The following ADAM21 variants were observed in gnomAD, a reference collection of about 807,000 sequenced individuals.
ADAM21 encodes the protein ADAM metallopeptidase domain 21, also known as disintegrin and metalloproteinase domain-containing protein 21.
For synonymous variants in ADAM21, 262 were observed against 306.0 expected, an observed-to-expected ratio of 0.86 and a Z score of 1.50; for missense variants, 678 against 874.4, an observed-to-expected ratio of 0.78 and a Z score of 2.83.
Position 70,457,742 on chromosome 14 carries a change from C to A in ADAM21, c.243C>A (p.Leu81=), listed in dbSNP as rs1882441111. 2.5e-6 allele frequency: 4 copies of A among 1,613,282 alleles called. No homozygotes were observed. Among genetic ancestry groups the A allele is most frequent in the African/African-American group, 2.7e-5 (2 of 74,702 alleles). Reference sequence around the variant, plus strand: ...TTGTTCATATGAGGGTCAAGAAGCTCTTAGTTTCTAGACACCTCCCAGTGT... The same window carrying A: ...TTGTTCATATGAGGGTCAAGAAGCTATTAGTTTCTAGACACCTCCCAGTGT... ...KHVVHMRVKK[L]LVSRHLPVFT... The change falls in exon 2 of 2, where the codon CTC becomes CTA. Residue 81 remains leucine (L), a synonymous_variant. Transcript: ENST00000603540.
In ADAM21 at chr14:70,459,724, T is replaced by C. The variant is rs1882498067; in HGVS notation, c.*56T>C. 2 of 1,569,226 alleles carry C rather than the reference T, an allele frequency of 1.3e-6. No homozygotes were observed. Among genetic ancestry groups the C allele is most frequent in the Admixed American group, 1.7e-5 (1 of 57,210 alleles). Reference sequence around the variant, plus strand: ...TTAGTACACTTTAGTCTCTTGGCAGTAGAAACATTAGTACATCCCTGAAAC... The same window carrying C: ...TTAGTACACTTTAGTCTCTTGGCAGCAGAAACATTAGTACATCCCTGAAAC... On this transcript the variant is annotated 3_prime_UTR_variant, in exon 2 of 2. Coordinates refer to ENST00000603540, the MANE Select transcript of ADAM21 (RefSeq NM_003813.4).
chr14:70,459,702 G>T lies in ADAM21; in HGVS notation c.*34G>T, dbSNP rs755724860. 75 of 1,601,354 alleles carry T rather than the reference G, an allele frequency of 4.7e-5. No homozygotes were observed. In the South Asian group the frequency reaches 7.2e-4, roughly 15 times the overall value. On this transcript the variant is annotated 3_prime_UTR_variant, in exon 2 of 2. Coordinates refer to ENST00000603540, the MANE Select transcript of ADAM21 (RefSeq NM_003813.4). ...CTCTAACTTAATATTCCATGCATTA[G>T]TACACTTTAGTCTCTTGGCAGTAGA...
At chr14:70,455,096 G>T (rs781210362) in intron 1 of ADAM21, among the ~76,000 whole-genome samples, 31 of 152,150 alleles carry the variant, frequency 2.0e-4, no homozygotes, top group Non-Finnish European at 4.1e-4. Context: ...AGAGGTACAG[G>T]ATGGAGTTGG....
At chr14:70,452,488 C>T (rs2139481964) in intron 1 of ADAM21, among the ~76,000 whole-genome samples, 1 of 152,302 alleles carries the variant, frequency 6.6e-6, no homozygotes, top group Admixed American at 6.5e-5. Flanking sequence ...CCCTCAGCCT[C>T]CTGAGTAGCT....
In ADAM21 at chr14:70,458,597, T is replaced by G; in HGVS notation, c.1098T>G (p.Asn366Lys). 2 of 1,613,058 alleles carry G rather than the reference T, an allele frequency of 1.2e-6. No homozygotes were observed. The highest frequency in any genetic ancestry group is 1.7e-6 in the Non-Finnish European group (2 of 1,179,756). ...GTGGGGAAAGAGGTTGCATCATGAA[T>G]ACTTTTAGAGTGCCAGCAGAGAAAT... The part of the protein sequence containing the change: ...CFCGERGCIM[N>K]TFRVPAEKFT... The change falls in exon 2 of 2, where the codon AAT (asparagine) becomes AAG (lysine). Residue 366 changes from asparagine to lysine, a missense_variant. By Grantham distance (94) the Asn-to-Lys change is moderately conservative. Transcript: ENST00000603540.
rs145696569 is a variant in ADAM21, at chr14:70,458,639, C to T, written c.1140C>T (p.Tyr380=). 52 of 1,613,504 alleles carry T rather than the reference C, an allele frequency of 3.2e-5. No homozygotes were observed. The highest frequency in any genetic ancestry group is 6.7e-5 in the African/African-American group (5 of 74,718). Residue 380 remains tyrosine, a synonymous_variant, in exon 2 of 2, where the codon TAC becomes TAT. Coordinates refer to ENST00000603540, the MANE Select transcript of ADAM21 (RefSeq NM_003813.4). ...CAGAGAAATTCACCAATTGCAGTTA[C>T]GCTGATTTTATGAAGACCACCTTAA... ...VPAEKFTNCS[Y]ADFMKTTLNQ...
intron 1 of ADAM21, among the ~76,000 whole-genome samples, chr14:70,454,360 A>G (rs1757702557): frequency 6.6e-6 from 1 of 151,504 alleles, no homozygotes; most frequent in Non-Finnish European, 1.5e-5. Context: ...TGGAGGAAGT[A>G]TGTGAAGAAT....
At position 70,459,340 on chromosome 14, in the gene ADAM21, G is replaced by A; in HGVS notation, c.1841G>A (p.Gly614Asp). Reference protein sequence around the residue: ...IGEVKDGTVCGPGKICIHKKC... With the variant: ...IGEVKDGTVCDPGKICIHKKC... ...GAAGTGAAAGATGGTACTGTGTGTGGCCCAGGAAAGATCTGCATCCATAAG... is the reference window on the plus strand; with the variant it reads ...GAAGTGAAAGATGGTACTGTGTGTGACCCAGGAAAGATCTGCATCCATAAG... The change falls in exon 2 of 2, where the codon GGC (glycine) becomes GAC (aspartate). Residue 614 changes from glycine (G) to aspartate (D), a missense_variant. Physicochemically the swap from Gly to Asp is moderately conservative, Grantham distance 94. Transcript: ENST00000603540. 3.1e-6 allele frequency: 5 copies of A among 1,614,192 alleles called. No homozygotes were observed. Among genetic ancestry groups the A allele is most frequent in the Non-Finnish European group, 4.2e-6 (5 of 1,180,026 alleles).
chr14:70,459,600 G>C lies in ADAM21; in HGVS notation c.2101G>C (p.Val701Leu). The change falls in exon 2 of 2, where the codon GTC becomes CTC. Residue 701 changes from valine (V) to leucine (L), a missense_variant. Physicochemically the swap from Val to Leu is conservative, Grantham distance 32. Coordinates refer to ENST00000603540, the MANE Select transcript of ADAM21 (RefSeq NM_003813.4). ...GTCTGTTTTGACTTTCCTGTTTACTGTCGGGCTTCTTATGTATCTACGACA... is the reference window on the plus strand; with the variant it reads ...GTCTGTTTTGACTTTCCTGTTTACTCTCGGGCTTCTTATGTATCTACGACA... ...SLSVLTFLFTVGLLMYLRQCS... is the reference protein window; with the variant it reads ...SLSVLTFLFTLGLLMYLRQCS... 6.2e-7 allele frequency: 1 copy of C among 1,614,142 alleles called. No homozygotes were observed. Among genetic ancestry groups the C allele is most frequent in the East Asian group, 2.2e-5 (1 of 44,896 alleles).
At position 70,458,762 on chromosome 14, in the gene ADAM21, C is replaced by A. The variant is rs761869382; in HGVS notation, c.1263C>A (p.Asp421Glu). Residue 421 changes from aspartate (D) to glutamate (E), a missense_variant, in exon 2 of 2, where the codon GAC (aspartate) becomes GAA (glutamate). By Grantham distance (45) the Asp-to-Glu change is conservative. Transcript: ENST00000603540. ...NGVVEREEQC[D>E]CGSVQQCEQD... ...TGGTTGAAAGAGAAGAGCAGTGTGA[C>A]TGTGGATCCGTACAGCAGTGTGAAC... 6.2e-7 allele frequency: 1 copy of A among 1,614,154 alleles called. No individual in the cohort carries two copies. Among genetic ancestry groups the A allele is most frequent in the Non-Finnish European group, 8.5e-7 (1 of 1,180,026 alleles).
Position 70,458,638 on chromosome 14 carries a change from A to G in ADAM21, c.1139A>G (p.Tyr380Cys). ...GCAGAGAAATTCACCAATTGCAGTT[A>G]CGCTGATTTTATGAAGACCACCTTA... The part of the protein sequence containing the change: ...VPAEKFTNCS[Y>C]ADFMKTTLNQ... The change falls in exon 2 of 2, where the codon TAC (tyrosine) becomes TGC (cysteine). Residue 380 changes from tyrosine (Y) to cysteine (C), a missense_variant. Physicochemically the swap from Tyr to Cys is radical, Grantham distance 194. Transcript: ENST00000603540. 6.2e-7 allele frequency: 1 copy of G among 1,613,764 alleles called. No homozygotes were observed. Among genetic ancestry groups the G allele is most frequent in the South Asian group, 1.1e-5 (1 of 91,034 alleles).
rs529886398 is a variant in ADAM21, at chr14:70,459,182, G to A, written c.1683G>A (p.Gly561=). 1.1e-5 allele frequency: 18 copies of A among 1,613,844 alleles called. No individual in the cohort carries two copies. The African/African-American group carries it at 1.6e-4, about 14-fold the overall frequency. The change falls in exon 2 of 2, where the codon GGG becomes GGA. Residue 561 remains glycine (G), a synonymous_variant. Coordinates refer to ENST00000603540, the MANE Select transcript of ADAM21 (RefSeq NM_003813.4). ...GTCATATCTCTGATGTCTTTTGTGG[G>A]AGAGTTCAATGTGAGAATGTGAGAG... ...LKCHISDVFC[G]RVQCENVRDI... is the part of the protein sequence containing the mutation.
intron 1 of ADAM21, among the ~76,000 whole-genome samples, chr14:70,452,684 T>C (rs1033349064): frequency 1.6e-4 from 24 of 152,152 alleles, no homozygotes; most frequent in African/African-American, 5.8e-4. Context: ...TTTTTAAAGA[T>C]ATGAGTGACT....
Position 70,457,765 on chromosome 14 carries a change from T to C in ADAM21, c.266T>C (p.Val89Ala), listed in dbSNP as rs763755400. 6.2e-6 allele frequency: 10 copies of C among 1,613,116 alleles called. No homozygotes were observed. In the African/African-American group the frequency reaches 1.3e-4, roughly 22 times the overall value. Residue 89 changes from valine to alanine, a missense_variant, in exon 2 of 2, where the codon GTG becomes GCG. Transcript: ENST00000603540. The stretch of plus-strand genomic sequence containing the variant: ...CTCTTAGTTTCTAGACACCTCCCAG[T>C]GTTCACCTACACAGATGACCGTGCA... ...KKLLVSRHLP[V>A]FTYTDDRALL...
At chr14:70,453,620 G>C (rs1439868711) in intron 1 of ADAM21, 1 of 152,112 alleles carries the variant, frequency 6.6e-6, no homozygotes, top group African/African-American at 2.4e-5. Context: ...GACACAGGTT[G>C]GTGTAGCTTA....
At chr14:70,453,486 C>T (rs1459887118) in intron 1 of ADAM21, 1 of 152,136 alleles carries the variant, frequency 6.6e-6, no homozygotes, top group African/African-American at 2.4e-5. Context: ...GATGGTACTT[C>T]AGGAGCTTTG....
At chr14:70,454,617 T>C (rs1889080502) in intron 1 of ADAM21, among the ~76,000 whole-genome samples, 1 of 152,190 alleles carries the variant, frequency 6.6e-6, no homozygotes, top group South Asian at 2.1e-4. Flanking sequence ...AAATTGTTGG[T>C]AAATTGATTA....
intron 1 of ADAM21, among the ~76,000 whole-genome samples, chr14:70,456,732 C>T (rs532557673): frequency 8.6e-4 from 131 of 152,056 alleles, no homozygotes; most frequent in Non-Finnish European, 1.6e-3. Context: ...TTTTGCAATC[C>T]CTCCTCCGTT....
chr14:70,456,344 A>C (rs8004222), intron 1 of ADAM21, among the ~76,000 whole-genome samples: 9,698 of 152,254 alleles, frequency 0.064, 357 homozygotes, highest in Middle Eastern at 0.11. Context: ...AATAAATAGA[A>C]AAAGAAATGG....
Sources: allele counts gnomAD v4.1 joint callset (sites outside exome capture counted in the v4.1 genomes callset), GRCh38; gene constraint gnomAD v4.1.1; transcripts MANE v1.5; gene names NCBI Gene and HGNC (gene_info 2026-07-23, HGNC 2026-07-21).